Variants in CSGALNACT1 observed in about 807,000 individuals in gnomAD.
The protein encoded by CSGALNACT1 is chondroitin sulfate N-acetylgalactosaminyltransferase 1, also known as beta4GalNAcT-1.
Under a neutral mutation model 51.0 loss-of-function variants are expected in CSGALNACT1, and 52 were observed. The ratio of observed to expected loss-of-function variants is 1.02; its 90% CI spans 0.82 to 1.29. CSGALNACT1 has a LOEUF of 1.29. CSGALNACT1 is among the 50% of genes most tolerant of loss of function. The probability of loss-of-function intolerance (pLI) is 0.00; values close to 1 mark genes in which losing one functional copy is unlikely to be tolerated. For missense variants in CSGALNACT1, 935 were observed against 679.2 expected (o/e 1.38, Z -4.19); for synonymous variants, 341 against 254.4 (o/e 1.34, Z -3.24).
chr8:19,674,270 G>C (rs1421000181), intron 1 of CSGALNACT1, among the ~76,000 whole-genome samples: 1 of 152,070 alleles, frequency 6.6e-6, no homozygotes, highest in African/African-American at 2.4e-5. Flanking sequence ...TCCAGCCTGG[G>C]TCACAAAGTG....
At chr8:19,514,508 T>TATATATAC (rs1467913759) in intron 3 of CSGALNACT1, among the ~76,000 whole-genome samples, 3 of 139,362 alleles carry the variant, frequency 2.2e-5, no homozygotes, top group Non-Finnish European at 4.6e-5. Flanking sequence ...TATATATATA[T>TATATATAC]ATACATGTAT....
At chr8:19,649,625 A>G (rs1468200208) in intron 1 of CSGALNACT1, among the ~76,000 whole-genome samples, 1 of 151,960 alleles carries the variant, frequency 6.6e-6, no homozygotes. Context: ...TTACGAATAC[A>G]TGCAATTTCC....
intron 4 of CSGALNACT1, among the ~76,000 whole-genome samples, chr8:19,501,892 C>G (rs368850915): frequency 6.6e-6 from 1 of 152,226 alleles, no homozygotes; most frequent in African/African-American, 2.4e-5. Flanking sequence ...TCTCACTTCT[C>G]TTCCCAGATG....
intron 1 of CSGALNACT1, among the ~76,000 whole-genome samples, chr8:19,679,839 T>C (rs571678972): frequency 2.0e-3 from 309 of 152,194 alleles, no homozygotes; most frequent in African/African-American, 7.1e-3. Flanking sequence ...TTTATAGAAA[T>C]AACTTCACAC....
chr8:19,423,875 TCCACAGG>T (rs777266555), intron 6 of CSGALNACT1, among the ~76,000 whole-genome samples: 8 of 152,210 alleles, frequency 5.3e-5, no homozygotes, highest in Non-Finnish European at 1.0e-4. Context: ...ACTTCATGTG[TCCACAGG>T]CTGCACAGAA....
In CSGALNACT1 at chr8:19,510,488, G is replaced by A. The variant is rs1587550698; in HGVS notation, c.-296-4358C>T. Among the ~76,000 whole-genome samples, 3 of 152,274 alleles carry A rather than the reference G, an allele frequency of 2.0e-5. No individual in the cohort carries two copies. In the South Asian group the frequency reaches 6.2e-4, roughly 32 times the overall value. On this transcript the variant is annotated intron_variant, in intron 3 of 9. Transcript: ENST00000454498. ...ACAACAAATAGGCACTAAGCACTTA[G>A]TATGTTCAATGCACTGTATAAAAAG...
chr8:19,484,054 C>A (rs1353574061), intron 4 of CSGALNACT1, among the ~76,000 whole-genome samples: 1 of 152,208 alleles, frequency 6.6e-6, no homozygotes, highest in Non-Finnish European at 1.5e-5. Flanking sequence ...CACTATCCCC[C>A]AAACAGCCCT....
chr8:19,515,121 C>T (rs1158356971), intron 3 of CSGALNACT1, among the ~76,000 whole-genome samples: 1 of 152,084 alleles, frequency 6.6e-6, no homozygotes, highest in Non-Finnish European at 1.5e-5. Flanking sequence ...CCTCAGAGTG[C>T]CTTTCCTGCC....
In CSGALNACT1 at chr8:19,755,456, C is replaced by CAAAAAAAAAAAAAAAAAAAA. The variant is rs71205945; in HGVS notation, c.-297+2374_-297+2393dup. On this transcript the variant is annotated intron_variant, in intron 1 of 1. Coordinates refer to the CSGALNACT1 transcript ENST00000517494. ...GGGGATCCCTAAATGTAAAGAAAGA[C>CAAAAAAAAAAAAAAAAAAAA]AAAAAAAAAAAAAAAAAAAAAAAAA... Among the ~76,000 whole-genome samples the CAAAAAAAAAAAAAAAAAAAA allele has an allele frequency of 1.1e-3, 79 of 74,520 alleles. 4 individuals are homozygous for CAAAAAAAAAAAAAAAAAAAA. Among genetic ancestry groups the CAAAAAAAAAAAAAAAAAAAA allele is most frequent in the East Asian group, 1.2e-3 (2 of 1,714 alleles). 48.9% of individuals were successfully genotyped at this position (74,520 alleles called of 152,430 possible).
At chr8:19,504,518 C>T (rs760804984) in intron 4 of CSGALNACT1, among the ~76,000 whole-genome samples, 4 of 152,174 alleles carry the variant, frequency 2.6e-5, no homozygotes, top group Non-Finnish European at 5.9e-5. Context: ...CTGGACAAGG[C>T]TGCTGTCTTC....
chr8:19,602,802 G>A (rs1588955468), upstream of CSGALNACT1: 1 of 152,018 alleles, frequency 6.6e-6, no homozygotes, highest in Non-Finnish European at 1.5e-5. Context: ...GAAGGGCAAG[G>A]GGAAAATACT....
chr8:19,557,893 T>C (rs906050294), intron 3 of CSGALNACT1, among the ~76,000 whole-genome samples: 3 of 152,226 alleles, frequency 2.0e-5, no homozygotes, highest in Admixed American at 6.5e-5. Context: ...GTGGTAGCTT[T>C]TCAAGAAACT....
intron 1 of CSGALNACT1, among the ~76,000 whole-genome samples, chr8:19,744,874 T>C (rs1334016215): frequency 6.6e-6 from 1 of 152,226 alleles, no homozygotes; most frequent in Non-Finnish European, 1.5e-5. Context: ...TGCCACACTT[T>C]TGGGAAGACA....
At chr8:19,445,083 G>T (rs1396093484) in intron 5 of CSGALNACT1, among the ~76,000 whole-genome samples, 1 of 152,140 alleles carries the variant, frequency 6.6e-6, no homozygotes, top group Admixed American at 6.5e-5. Context: ...ACAAAGGACA[G>T]GGAATAGAGG....
intron 3 of CSGALNACT1, among the ~76,000 whole-genome samples, chr8:19,539,903 C>T (rs540494545): frequency 3.3e-5 from 5 of 152,188 alleles, no homozygotes; most frequent in African/African-American, 1.2e-4. Context: ...TATGAGGTAG[C>T]CTGGAAAGAA....
At chr8:19,412,842 G>A (rs2056127637) in intron 8 of CSGALNACT1, among the ~76,000 whole-genome samples, 1 of 151,972 alleles carries the variant, frequency 6.6e-6, no homozygotes, top group African/African-American at 2.4e-5. Flanking sequence ...AGCCCAGGCT[G>A]TCCATTCCTT....
At position 19,726,348 on chromosome 8, in the gene CSGALNACT1, AC is replaced by A. The variant is rs201726653; in HGVS notation, c.-297+31501del. ...AAAATTGTTAACTACCTTGATAAAT[AC>A]AGAACATTCATACAATCTAATATTA... On this transcript the variant is annotated intron_variant, in intron 1 of 1. Coordinates refer to the CSGALNACT1 transcript ENST00000517494. 8.8e-3 allele frequency among the ~76,000 whole-genome samples: 1,347 copies of A among 152,350 alleles called. 14 individuals carry two copies. Among genetic ancestry groups the A allele is most frequent in the African/African-American group, 0.031 (1,288 of 41,576 alleles).
chr8:19,463,318 A>C (rs900310970), intron 4 of CSGALNACT1, among the ~76,000 whole-genome samples: 11 of 152,204 alleles, frequency 7.2e-5, no homozygotes, highest in Non-Finnish European at 1.3e-4. Flanking sequence ...CTTGCAACCT[A>C]AGTCCAGCAA....
In CSGALNACT1 at chr8:19,546,076, C is replaced by A. The variant is rs1417218389; in HGVS notation, c.-296-39946G>T. Among the ~76,000 whole-genome samples the A allele has an allele frequency of 2.6e-5, 4 of 151,912 alleles. No individual in the cohort carries two copies. The East Asian group carries it at 7.7e-4, about 29-fold the overall frequency. On this transcript the variant is annotated intron_variant, in intron 3 of 9. Transcript: ENST00000454498. Reference sequence around the variant, plus strand: ...TTTTAATAGTCCTTTTCACTTAAAACAAGAAGGAAGTTTTATAAGGAAACA... The same window carrying A: ...TTTTAATAGTCCTTTTCACTTAAAAAAAGAAGGAAGTTTTATAAGGAAACA...
Sources: allele counts gnomAD v4.1 joint callset (sites outside exome capture counted in the v4.1 genomes callset), GRCh38; gene constraint gnomAD v4.1.1; transcripts MANE v1.5; gene names NCBI Gene and HGNC (gene_info 2026-07-23, HGNC 2026-07-21).